Variants in CES5A observed in about 807,000 individuals in gnomAD.
The protein encoded by CES5A is carboxylesterase 5.
A neutral mutation model predicts 62.9 loss-of-function variants in CES5A; 67 were observed. That is an observed-to-expected ratio of 1.07 (90% CI 0.88 to 1.31). The LOEUF is 1.31. Ranked by LOEUF, CES5A falls within the 50% of genes most tolerant of loss-of-function variation. The pLI, the probability that CES5A is intolerant of heterozygous loss-of-function variation, is 0.00. For missense variants in CES5A, 748 were observed against 708.5 expected, an observed-to-expected ratio of 1.06 and a Z score of -0.63; for synonymous variants, 296 against 280.8, an observed-to-expected ratio of 1.05 and a Z score of -0.54.
intron 10 of CES5A, among the ~76,000 whole-genome samples, chr16:55,852,402 T>C (rs1427048246): frequency 6.6e-6 from 1 of 152,252 alleles, no homozygotes; most frequent in African/African-American, 2.4e-5. Flanking sequence ...ACATATGGTT[T>C]ATTCTGGAAG....
At chr16:55,872,470 C>G (rs1326452960) in intron 2 of CES5A, among the ~76,000 whole-genome samples, 1 of 152,170 alleles carries the variant, frequency 6.6e-6, no homozygotes, top group Non-Finnish European at 1.5e-5. Context: ...TTATCATCAT[C>G]CCCAGCTCAA....
chr16:55,905,220 C>T lies in CES5A; in HGVS notation c.-256+20103G>A, dbSNP rs191118551. Among the ~76,000 whole-genome samples, 3 of 152,270 alleles carry T rather than the reference C, an allele frequency of 2.0e-5. No homozygotes were observed. The East Asian group carries it at 5.8e-4, about 29-fold the overall frequency. ...ATGTTTCCCAGGCTCTGCATCCAGG[C>T]TTTATCACACAGACAACTTCCTATG... On this transcript the variant is annotated intron_variant, in intron 1 of 12. Transcript: ENST00000518005.
chr16:55,926,288 T>C (rs1205259854), upstream of CES5A, among the ~76,000 whole-genome samples: 6 of 152,120 alleles, frequency 3.9e-5, no homozygotes, highest in African/African-American at 9.6e-5. Flanking sequence ...AAAAAGGCAA[T>C]AAATCTGTTC....
intron 2 of CES5A, among the ~76,000 whole-genome samples, chr16:55,942,468 C>A (rs1391064664): frequency 6.6e-6 from 1 of 152,208 alleles, no homozygotes; most frequent in African/African-American, 2.4e-5. Flanking sequence ...TGGTATTTAA[C>A]ATCAATGCAA....
At chr16:55,919,550 C>T (rs748996443) in intron 1 of CES5A, among the ~76,000 whole-genome samples, 23 of 152,304 alleles carry the variant, frequency 1.5e-4, no homozygotes, top group Non-Finnish European at 2.6e-4. Context: ...CTCCTGGTGA[C>T]CTCCCTTTGT....
intron 3 of CES5A, among the ~76,000 whole-genome samples, chr16:55,870,470 G>A (rs533135793): frequency 3.9e-5 from 6 of 152,302 alleles, no homozygotes; most frequent in South Asian, 4.1e-4. Context: ...GGAGGTTGAC[G>A]TGGGTGGATT....
chr16:55,919,513 AC>A (rs1368438312), intron 1 of CES5A, among the ~76,000 whole-genome samples: 1 of 152,072 alleles, frequency 6.6e-6, no homozygotes, highest in Non-Finnish European at 1.5e-5. Context: ...TTTTGCTCCT[AC>A]GACTCTCAGC....
Position 55,873,789 on chromosome 16 carries a change from C to T in CES5A, c.278+44G>A, listed in dbSNP as rs749586664. 1.1e-5 allele frequency: 17 copies of T among 1,548,232 alleles called. No individual in the cohort carries two copies. In the East Asian group the frequency reaches 3.6e-4, roughly 33 times the overall value. ...GGCTGCATGACCTGAATTCCTGCCA[C>T]TCCCAGAGTCACAAACCACCCGTGG... On this transcript the variant is annotated intron_variant, in intron 2 of 12. Transcript: ENST00000290567.
At chr16:55,847,188 C>T (rs1239876764) in intron 11 of CES5A, among the ~76,000 whole-genome samples, 2 of 151,708 alleles carry the variant, frequency 1.3e-5, no homozygotes, top group Non-Finnish European at 2.9e-5. Context: ...TCTCTCCATC[C>T]TCTCTTCCTT....
chr16:55,935,234 A>G (rs954193000), intron 2 of CES5A, among the ~76,000 whole-genome samples: 5 of 152,180 alleles, frequency 3.3e-5, no homozygotes, highest in African/African-American at 1.2e-4. Flanking sequence ...TGAGCCACTC[A>G]CTGTGCCTGG....
At chr16:55,916,764 C>G (rs908773195) in intron 1 of CES5A, among the ~76,000 whole-genome samples, 1 of 152,186 alleles carries the variant, frequency 6.6e-6, no homozygotes, top group Non-Finnish European at 1.5e-5. Context: ...TTTCTTTGGA[C>G]ACACCTCCTG....
chr16:55,938,314 C>A (rs566067412), intron 2 of CES5A, among the ~76,000 whole-genome samples: 1 of 152,236 alleles, frequency 6.6e-6, no homozygotes, highest in East Asian at 1.9e-4. Context: ...AGCTTCTCTG[C>A]CCATTTTTCA....
intron 1 of CES5A, among the ~76,000 whole-genome samples, chr16:55,904,114 A>C (rs1271108193): frequency 1.3e-5 from 2 of 152,220 alleles, no homozygotes; most frequent in African/African-American, 4.8e-5. Flanking sequence ...TGCTCCAGAG[A>C]AAGATTTTTC....
At chr16:55,856,584 GGC>G (rs1176535483) in intron 8 of CES5A, 139 bp from the exon 9 acceptor site, 1 of 695,268 alleles carries the variant, frequency 1.4e-6, no homozygotes, top group Non-Finnish European at 2.5e-6. Context: ...ATGTGGAAGT[GGC>G]CTCAGTGTGC....
chr16:55,868,392 TAG>T (rs2033509614), intron 4 of CES5A, among the ~76,000 whole-genome samples: 2 of 152,310 alleles, frequency 1.3e-5, no homozygotes, highest in East Asian at 3.9e-4. Flanking sequence ...CCCAACTTCC[TAG>T]TTTTTGCACA....
chr16:55,880,816 A>G (rs1214933064), intron 1 of CES5A, among the ~76,000 whole-genome samples: 4 of 152,230 alleles, frequency 2.6e-5, no homozygotes. Flanking sequence ...TCTGTTAATC[A>G]GCTATCAATA....
intron 1 of CES5A, among the ~76,000 whole-genome samples, chr16:55,891,284 C>T (rs1387660470): frequency 6.6e-6 from 1 of 152,212 alleles, no homozygotes; most frequent in Non-Finnish European, 1.5e-5. Flanking sequence ...CTCACCATTG[C>T]TCCATCTGTG....
At chr16:55,861,726 C>T (rs761385103) in intron 6 of CES5A, among the ~76,000 whole-genome samples, 16 of 152,140 alleles carry the variant, frequency 1.1e-4, no homozygotes, top group Admixed American at 2.0e-4. Context: ...GCCTGGCTCT[C>T]CTTGTCATCT....
intron 3 of CES5A, 117 bp from the exon 4 acceptor site, chr16:55,869,861 G>T: frequency 7.2e-7 from 1 of 1,387,274 alleles, no homozygotes; most frequent in Non-Finnish European, 9.6e-7. Context: ...TAAGCAGGGT[G>T]CGAGGTTTTG....
Sources: allele counts gnomAD v4.1 joint callset (sites outside exome capture counted in the v4.1 genomes callset), GRCh38; gene constraint gnomAD v4.1.1; transcripts MANE v1.5; gene names NCBI Gene and HGNC (gene_info 2026-07-23, HGNC 2026-07-21).